Variants in HMCN1 observed in about 807,000 individuals in gnomAD.
HMCN1 encodes the protein hemicentin-1.
In HMCN1, 321 loss-of-function variants were observed where a neutral mutation model predicts 625.9. The ratio of observed to expected loss-of-function variants is 0.51; its 90% CI spans 0.47 to 0.56. The LOEUF is 0.56. Among genes scored for constraint, HMCN1 ranks in the 20% least tolerant of loss-of-function variants. The probability of loss-of-function intolerance (pLI) is 0.00; values close to 1 mark genes in which losing one functional copy is unlikely to be tolerated. For missense variants in HMCN1, 6,588 were observed against 6,887.3 expected (o/e 0.96, Z 1.54); for synonymous variants, 2,425 against 2,417.6 (o/e 1.00, Z -0.09).
At chr1:185,858,453 A>G (rs907962522) in intron 2 of HMCN1, among the ~76,000 whole-genome samples, 70 of 151,738 alleles carry the variant, frequency 4.6e-4, no homozygotes, top group African/African-American at 1.5e-3. Flanking sequence ...TTTGAGACGG[A>G]GTCTTACTCT....
At position 186,178,595 on chromosome 1, in the gene HMCN1, T is replaced by C. The variant is rs1425366720; in HGVS notation, c.16123T>C (p.Phe5375Leu). Residue 5375 changes from phenylalanine (F) to leucine (L), a missense_variant, in exon 104 of 107, where the codon TTC becomes CTC. Coordinates refer to ENST00000271588, the MANE Select transcript of HMCN1 (RefSeq NM_031935.3). ...TQYSSYNLAR[F>L]SPVRNNYQPQ... ...ATACAGTAGCTATAACCTTGCACGG[T>C]TCTCCCCTGTGAGAAACAACTATCA... 2 of 1,613,940 alleles carry C rather than the reference T, an allele frequency of 1.2e-6. No individual in the cohort carries two copies. The highest frequency in any genetic ancestry group is 1.6e-4 in the Middle Eastern group (1 of 6,084).
chr1:185,937,748 G>A (rs1244814056), intron 11 of HMCN1, among the ~76,000 whole-genome samples: 2 of 151,952 alleles, frequency 1.3e-5, no homozygotes, highest in African/African-American at 2.4e-5. Context: ...AGGCTTGGTG[G>A]CACACATCTG....
intron 1 of HMCN1, among the ~76,000 whole-genome samples, chr1:185,811,357 A>C (rs527642262): frequency 1.7e-4 from 26 of 152,200 alleles, no homozygotes; most frequent in African/African-American, 6.3e-4. Flanking sequence ...ATCACAGTCT[A>C]CTTGAAACAG....
At chr1:186,073,581 T>G (rs1028169887) in intron 52 of HMCN1, among the ~76,000 whole-genome samples, 1 of 152,094 alleles carries the variant, frequency 6.6e-6, no homozygotes, top group Admixed American at 6.6e-5. Flanking sequence ...CAGCAAATTC[T>G]CAGAATGAGC....
intron 4 of HMCN1, among the ~76,000 whole-genome samples, chr1:185,903,703 C>T (rs1358515582): frequency 6.6e-6 from 1 of 151,686 alleles, no homozygotes; most frequent in African/African-American, 2.4e-5. Flanking sequence ...CTAAATCTGC[C>T]AACCATGACA....
chr1:186,119,102 T>G (rs1383727102), intron 77 of HMCN1, 89 bp from the exon 78 acceptor site: 2 of 915,194 alleles, frequency 2.2e-6, no homozygotes, highest in Non-Finnish European at 3.6e-6. Flanking sequence ...CCATGCTATT[T>G]GCAGAAAACA....
chr1:185,924,989 A>G, intron 8 of HMCN1, 58 bp from the exon 9 acceptor site: 1 of 1,440,966 alleles, frequency 6.9e-7, no homozygotes, highest in Non-Finnish European at 9.5e-7. Context: ...GCAGTACTTA[A>G]CATCATTGTG....
rs547172204 is a variant in HMCN1, at chr1:186,161,090, G to T, written c.15257-4021G>T. On this transcript the variant is annotated intron_variant, in intron 97 of 106. Transcript: ENST00000271588. ...CTAGGTCTCTAAGGACTTGCTTTATGAATCTGGGTGCTCCTGTATTGGGTG... is the reference window on the plus strand; with the variant it reads ...CTAGGTCTCTAAGGACTTGCTTTATTAATCTGGGTGCTCCTGTATTGGGTG... Among the ~76,000 whole-genome samples, 1,222 of 152,170 alleles carry T rather than the reference G, an allele frequency of 8.0e-3. 12 individuals carry two copies. Among genetic ancestry groups the T allele is most frequent in the South Asian group, 0.029 (140 of 4,816 alleles).
At chr1:186,048,263 A>G (rs111695732) in intron 41 of HMCN1, among the ~76,000 whole-genome samples, 149 of 152,284 alleles carry the variant, frequency 9.8e-4, no homozygotes, top group African/African-American at 3.4e-3. Flanking sequence ...TCATCTGCCA[A>G]GCACCAAACT....
intron 81 of HMCN1, among the ~76,000 whole-genome samples, chr1:186,125,356 T>C (rs1330065836): frequency 6.6e-6 from 1 of 152,150 alleles, no homozygotes; most frequent in Non-Finnish European, 1.5e-5. Context: ...TCTACCCAGT[T>C]CTGTCATTTG....
intron 97 of HMCN1, among the ~76,000 whole-genome samples, chr1:186,155,333 T>C (rs1473996345): frequency 6.6e-6 from 1 of 152,102 alleles, no homozygotes; most frequent in Non-Finnish European, 1.5e-5. Flanking sequence ...CGCACACCAT[T>C]GCCACCACTA....
intron 6 of HMCN1, among the ~76,000 whole-genome samples, chr1:185,912,990 CAA>C (rs1302954543): frequency 6.6e-6 from 1 of 151,858 alleles, no homozygotes; most frequent in Admixed American, 6.6e-5. Flanking sequence ...CGTAGAAATT[CAA>C]AGAGCCATTT....
intron 1 of HMCN1, among the ~76,000 whole-genome samples, chr1:185,770,233 T>C (rs1656147757): frequency 6.6e-6 from 1 of 152,206 alleles, no homozygotes; most frequent in African/African-American, 2.4e-5. Flanking sequence ...GAGCTGTGTT[T>C]GTGATGAATA....
intron 1 of HMCN1, among the ~76,000 whole-genome samples, chr1:185,832,768 T>C (rs1017137370): frequency 6.6e-6 from 1 of 152,202 alleles, no homozygotes; most frequent in African/African-American, 2.4e-5. Flanking sequence ...TAAAGTTTAC[T>C]TACTACCTAA....
intron 1 of HMCN1, among the ~76,000 whole-genome samples, chr1:185,774,560 TAAATAAATGA>T (rs1374527789): frequency 1.3e-5 from 2 of 152,156 alleles, no homozygotes; most frequent in Non-Finnish European, 2.9e-5. Flanking sequence ...AGAGGAGAGC[TAAATAAATGA>T]ATTGCTGAGC....
chr1:185,857,709 A>G (rs1662558519), intron 2 of HMCN1, among the ~76,000 whole-genome samples: 1 of 152,192 alleles, frequency 6.6e-6, no homozygotes, highest in African/African-American at 2.4e-5. Context: ...CAGGCTGAGT[A>G]TGTTAAGTGT....
intron 6 of HMCN1, among the ~76,000 whole-genome samples, chr1:185,921,253 T>A (rs1214104861): frequency 6.6e-6 from 1 of 152,164 alleles, no homozygotes; most frequent in African/African-American, 2.4e-5. Flanking sequence ...GATGATGGGT[T>A]TTTTTCTTCT....
rs1023978853 is a variant in HMCN1 at position 186,112,888 on chromosome 1, A to G, written c.11066A>G (p.Asn3689Ser). ...INNADLGDTA[N>S]YTCVASNIAG... ...AATGCTGACCTAGGTGATACAGCCA[A>G]TTATACCTGTGTTGCCAGCAACATT... The change falls in exon 72 of 107, where the codon AAT becomes AGT. Residue 3689 changes from asparagine to serine, a missense_variant. By Grantham distance (46) the Asn-to-Ser change is conservative (BLOSUM62 1). Transcript: ENST00000271588. The G allele has an allele frequency of 5.0e-6, 8 of 1,614,152 alleles. No individual in the cohort carries two copies. The highest frequency in any genetic ancestry group is 6.8e-6 in the Non-Finnish European group (8 of 1,179,972).
intron 4 of HMCN1, 131 bp from the exon 5 acceptor site, chr1:185,909,206 G>A: frequency 1.4e-6 from 1 of 693,674 alleles, no homozygotes; most frequent in Non-Finnish European, 2.6e-6. Context: ...CTTCAGTAAT[G>A]ACCGAAATAA....
Sources: allele counts gnomAD v4.1 joint callset (sites outside exome capture counted in the v4.1 genomes callset), GRCh38; gene constraint gnomAD v4.1.1; transcripts MANE v1.5; gene names NCBI Gene and HGNC (gene_info 2026-07-23, HGNC 2026-07-21).